The following FEZF1 variants were observed in gnomAD, a reference collection of about 807,000 sequenced individuals.
FEZF1 encodes fez family zinc finger protein 1.
Under a neutral mutation model 32.4 loss-of-function variants are expected in FEZF1, and 8 were observed. The ratio of observed to expected loss-of-function variants is 0.25; its 90% CI spans 0.15 to 0.45. The LOEUF is 0.45. Among genes scored for constraint, FEZF1 ranks in the 20% least tolerant of loss-of-function variants. The probability of loss-of-function intolerance (pLI) is 1.00; values close to 1 mark genes in which losing one functional copy is unlikely to be tolerated. For missense variants in FEZF1, 546 were observed against 622.3 expected (o/e 0.88, Z 1.31); for synonymous variants, 259 against 265.2 (o/e 0.98, Z 0.23).
rs1205726528 is a variant in FEZF1, at chr7:122,303,676, A to T, written c.762T>A (p.Asn254Lys). ...KTSDFSRGSP[N>K]AKPKVFTCEV... is the part of the protein sequence containing the mutation. ...CGCAAGTGAAAACTTTGGGCTTGGC[A>T]TTAGGAGAGCCTCGGCTGAAATCCG... The change falls in exon 1 of 4, where the codon AAT (asparagine) becomes AAA (lysine). Residue 254 changes from asparagine to lysine, a missense_variant. Asn to Lys is a moderately conservative substitution (Grantham distance 94). Around this residue, in one of 3 missense-constraint regions of FEZF1, gnomAD observed 345 missense variants for 360.6 expected, o/e 0.96. Transcript: ENST00000442488. The T allele has an allele frequency of 1.2e-6, 2 of 1,614,132 alleles. No homozygotes were observed. Among genetic ancestry groups the T allele is most frequent in the Non-Finnish European group, 1.7e-6 (2 of 1,180,024 alleles).
exon 1 of FEZF1, chr7:122,310,599 C>G (rs564478047): frequency 6.6e-6 from 1 of 152,440 alleles, no homozygotes; most frequent in Admixed American, 6.5e-5. Context: ...CTTCAGTGAC[C>G]GGGCGCCGCT....
chr7:122,304,803 T>TC, upstream of FEZF1: 1 of 189,280 alleles, frequency 5.3e-6, no homozygotes, highest in African/African-American at 2.4e-5. Context: ...TTTTTTTTTT[T>TC]CATCTGCAGT....
rs971075155 is a variant in FEZF1, at chr7:122,301,909, T to G, written c.*88A>C. Reference sequence around the variant, plus strand: ...GTGTGGGGCCCAACATGCCCTGGGGTCTGCAGACGAACTCGGACCAGGAGC... The same window carrying G: ...GTGTGGGGCCCAACATGCCCTGGGGGCTGCAGACGAACTCGGACCAGGAGC... On this transcript the variant is annotated 3_prime_UTR_variant, in exon 4 of 4. Coordinates refer to ENST00000442488, the MANE Select transcript of FEZF1 (RefSeq NM_001024613.4). 4.2e-5 allele frequency: 63 copies of G among 1,506,674 alleles called. No individual in the cohort carries two copies. The highest frequency in any genetic ancestry group is 5.2e-5 in the Non-Finnish European group (59 of 1,137,852). 93.3% of individuals were successfully genotyped at this position (1,506,674 alleles called of 1,614,324 possible). A position where few individuals can be genotyped will look rare whatever the true frequency, so the allele number is the denominator to read the frequency against.
upstream of FEZF1, chr7:122,306,761 T>C (rs2031294393): frequency 6.6e-6 from 1 of 152,372 alleles, no homozygotes; most frequent in African/African-American, 2.4e-5. Context: ...GGGAGAGGTC[T>C]GGCTGAATAC....
At chr7:122,310,709 C>T (rs2031400661), upstream of FEZF1, 2 of 152,506 alleles carry the variant, frequency 1.3e-5, no homozygotes, top group South Asian at 4.1e-4. Context: ...CCACCACCGC[C>T]CCAGCTGGTC....
In FEZF1 at chr7:122,303,811, C is replaced by T. The variant is rs1316238912; in HGVS notation, c.627G>A (p.Val209=). The T allele has an allele frequency of 1.9e-6, 3 of 1,614,216 alleles. No homozygotes were observed. Among genetic ancestry groups the T allele is most frequent in the Admixed American group, 1.7e-5 (1 of 60,032 alleles). ...AERNKLVVPA[V]EKYPSGVAFK... Reference sequence around the variant, plus strand: ...AAGCTACTCCAGAAGGGTATTTCTCCACCGCCGGGACCACCAGTTTATTCC... The same window carrying T: ...AAGCTACTCCAGAAGGGTATTTCTCTACCGCCGGGACCACCAGTTTATTCC... Residue 209 remains valine (V), a synonymous_variant, in exon 1 of 4, where the codon GTG becomes GTA. Transcript: ENST00000442488.
Position 122,303,723 on chromosome 7 carries a change from C to T in FEZF1, c.715G>A (p.Glu239Lys). Reference sequence around the variant, plus strand: ...TCCGAGGTTTTGAACGCGATTTTTTCCGACAGAAGCTGGGCGCTTTCTTTC... The same window carrying T: ...TCCGAGGTTTTGAACGCGATTTTTTTCGACAGAAGCTGGGCGCTTTCTTTC... ...YMKESAQLLS[E>K]KIAFKTSDFS... Residue 239 changes from glutamate to lysine, a missense_variant, in exon 1 of 4, where the codon GAA becomes AAA. Transcript: ENST00000442488. 6.2e-7 allele frequency: 1 copy of T among 1,614,228 alleles called. No homozygotes were observed.
chr7:122,307,347 T>C (rs917176041), upstream of FEZF1: 7 of 152,408 alleles, frequency 4.6e-5, no homozygotes, highest in African/African-American at 1.7e-4. Context: ...CCGGGCTAGG[T>C]TGAAAGGAAA....
chr7:122,301,413 C>G lies in FEZF1; in HGVS notation c.*584G>C, dbSNP rs1376103041. On this transcript the variant is annotated 3_prime_UTR_variant, in exon 4 of 4. Coordinates refer to ENST00000442488, the MANE Select transcript of FEZF1 (RefSeq NM_001024613.4). ...TCAAAATCATCCATAATGAACCACC[C>G]TTATCTAATGTGTATGGGTGTGTGC... is the stretch of plus-strand genomic sequence containing the variant. 1 of 152,186 alleles carries G rather than the reference C, an allele frequency of 6.6e-6. No individual in the cohort carries two copies. The highest frequency in any genetic ancestry group is 2.4e-5 in the African/African-American group (1 of 41,436). The allele number at this position is 152,186 out of a possible 1,614,324, so 9.4% of individuals were successfully genotyped here.
In FEZF1 at chr7:122,302,436, CG is replaced by C; in HGVS notation, c.1070-82del. 3 of 1,573,500 alleles carry C rather than the reference CG, an allele frequency of 1.9e-6. No individual in the cohort carries two copies. Among genetic ancestry groups the C allele is most frequent in the Non-Finnish European group, 2.6e-6 (3 of 1,165,292 alleles). Reference sequence around the variant, plus strand: ...GGAGGAGCAGACACGTGGAAGGTAGCGCCAGGCAAGCAGAAGAGCCGCCACA... The same window carrying C: ...GGAGGAGCAGACACGTGGAAGGTAGCCCAGGCAAGCAGAAGAGCCGCCACA... On this transcript the variant is annotated intron_variant, in intron 3 of 3. Transcript: ENST00000442488. This position sits in a 1 kb window ranked among gnomAD's most constrained non-coding sequence, Gnocchi z 4.4.
chr7:122,303,502 GA>G (rs1308852234), intron 1 of FEZF1, 134 bp downstream of exon 1: 42 of 540,022 alleles, frequency 7.8e-5, no homozygotes, highest in East Asian at 2.8e-4. Flanking sequence ...AGGAAGGAAG[GA>G]AGGAAGGAAG....
At chr7:122,305,787 A>C (rs2031257946), upstream of FEZF1, 1 of 152,304 alleles carries the variant, frequency 6.6e-6, no homozygotes, top group Non-Finnish European at 1.5e-5. Flanking sequence ...GTCTGTGCGC[A>C]TCAAGGAGAC....
At chr7:122,306,084 C>G (rs950876995), upstream of FEZF1, 2 of 152,338 alleles carry the variant, frequency 1.3e-5, no homozygotes, top group Non-Finnish European at 2.9e-5. Flanking sequence ...CCGGCGATCA[C>G]GCAGAGCTGA....
rs1584961959 is a variant in FEZF1, at chr7:122,304,700, A to C, written c.-263T>G. On this transcript the variant is annotated 5_prime_UTR_variant, in exon 1 of 4. Coordinates refer to ENST00000442488, the MANE Select transcript of FEZF1 (RefSeq NM_001024613.4). ...ATCAATAGAAAGTGTTGTGTCAATA[A>C]CGCAGCCAAGATCTCGCCAATCGTT... 1 of 402,428 alleles carries C rather than the reference A, an allele frequency of 2.5e-6. No individual in the cohort carries two copies. Among genetic ancestry groups the C allele is most frequent in the Non-Finnish European group, 4.6e-6 (1 of 218,926 alleles). The allele number at this position is 402,428 out of a possible 1,614,324, so 24.9% of individuals were successfully genotyped here. A position where few individuals can be genotyped will look rare whatever the true frequency, so the allele number is the denominator to read the frequency against.
chr7:122,302,280 T>A lies in FEZF1; in HGVS notation c.1145A>T (p.His382Leu). 1 of 1,614,166 alleles carries A rather than the reference T, an allele frequency of 6.2e-7. No homozygotes were observed. Among genetic ancestry groups the A allele is most frequent in the Non-Finnish European group, 8.5e-7 (1 of 1,180,026 alleles). ...GTGGAAGGTGAGGTTGTAAACCTGG[T>A]GGAAAGCCTTGTTGCAGATATTGCA... ...FKCNICNKAF[H>L]QVYNLTFHMH... Residue 382 changes from histidine (H) to leucine (L), a missense_variant, in exon 4 of 4, where the codon CAC (histidine) becomes CTC (leucine). By Grantham distance (99) the His-to-Leu change is moderately conservative (BLOSUM62 -3). Coordinates refer to ENST00000442488, the MANE Select transcript of FEZF1 (RefSeq NM_001024613.4). The surrounding 1 kb of genome is among the most constrained non-coding windows in gnomAD (Gnocchi z 4.4).
At chr7:122,310,384 A>G (rs2031389764) in exon 1 of FEZF1, 1 of 152,272 alleles carries the variant, frequency 6.6e-6, no homozygotes, top group Non-Finnish European at 1.5e-5. Flanking sequence ...GCGCAGAGCC[A>G]TTTGAATAGA....
At chr7:122,304,791 CTTTT>C, upstream of FEZF1, 1 of 175,598 alleles carries the variant, frequency 5.7e-6, no homozygotes, top group South Asian at 1.6e-4. Flanking sequence ...AACAGGAAAA[CTTTT>C]TTTTTTTTCA....
At chr7:122,306,640 C>G (rs1027914088), upstream of FEZF1, 1 of 152,256 alleles carries the variant, frequency 6.6e-6, no homozygotes. Flanking sequence ...TGATGTCTAA[C>G]AGAAAGGCAG....
upstream of FEZF1, chr7:122,306,414 T>C (rs188398112): frequency 3.9e-5 from 6 of 152,226 alleles, no homozygotes; most frequent in Admixed American, 3.9e-4. Flanking sequence ...CATTATTAAG[T>C]CCCTGAGCAA....
Sources: allele counts gnomAD v4.1 joint callset, GRCh38; gene constraint gnomAD v4.1.1; regional missense constraint gnomAD v4.1.1; non-coding constraint Gnocchi (gnomAD v3.1); transcripts MANE v1.5; gene names NCBI Gene and HGNC (gene_info 2026-07-23, HGNC 2026-07-21).